Variants in HPS3 observed in about 807,000 individuals in gnomAD.
HPS3 encodes BLOC-2 complex member HPS3.
Under a neutral mutation model 110.9 loss-of-function variants are expected in HPS3, and 79 were observed. That is an observed-to-expected ratio of 0.71 (90% CI 0.59 to 0.86). The LOEUF is 0.86. Ranked by LOEUF, HPS3 falls within the 40% of genes least tolerant of loss-of-function variation. The probability of loss-of-function intolerance (pLI) is 0.00; values close to 1 mark genes in which losing one functional copy is unlikely to be tolerated. For missense variants in HPS3, 1,197 were observed against 1,206.2 expected (o/e 0.99, Z 0.11); for synonymous variants, 428 against 451.0 (o/e 0.95, Z 0.65).
intron 4 of HPS3, among the ~76,000 whole-genome samples, chr3:149,142,176 A>G (rs1291004513): frequency 6.6e-6 from 1 of 152,192 alleles, no homozygotes; most frequent in Non-Finnish European, 1.5e-5. Context: ...ACCTATGAGT[A>G]CTAGAAAGGG....
intron 1 of HPS3, among the ~76,000 whole-genome samples, chr3:149,135,255 C>T (rs540759767): frequency 3.3e-5 from 5 of 152,220 alleles, no homozygotes; most frequent in Admixed American, 1.3e-4. Flanking sequence ...CCTCTGACAT[C>T]GTCATCAGTA....
chr3:149,162,230 C>T lies in HPS3; in HGVS notation c.2189C>T (p.Ala730Val), dbSNP rs780859070. 4 of 1,614,026 alleles carry T rather than the reference C, an allele frequency of 2.5e-6. No homozygotes were observed. The highest frequency in any genetic ancestry group is 3.4e-6 in the Non-Finnish European group (4 of 1,179,938). Residue 730 changes from alanine to valine, a missense_variant, in exon 12 of 17, where the codon GCA (alanine) becomes GTA (valine). Ala to Val is a moderately conservative substitution (Grantham distance 64). Transcript: ENST00000296051. ...GGACAGATTGTTCCAACCGAGCTTG[C>T]ACTTCACTTGAAGGAAACTCAGCCT... ...RKGQIVPTEL[A>V]LHLKETQPGL...
intron 8 of HPS3, 59 bp downstream of exon 8, chr3:149,155,274 A>G: frequency 1.0e-6 from 1 of 993,736 alleles, no homozygotes; most frequent in Non-Finnish European, 1.6e-6. Context: ...ATTAATGATC[A>G]GAAATTGATT....
chr3:149,142,873 C>T (rs554696157), intron 4 of HPS3, among the ~76,000 whole-genome samples: 22 of 152,216 alleles, frequency 1.4e-4, no homozygotes, highest in African/African-American at 5.3e-4. Flanking sequence ...AAGACCCTGA[C>T]CTCATCTTGA....
chr3:149,133,380 A>G (rs892659212), intron 1 of HPS3, among the ~76,000 whole-genome samples: 1 of 151,738 alleles, frequency 6.6e-6, no homozygotes, highest in Non-Finnish European at 1.5e-5. Context: ...GCTCACCACA[A>G]CCTCCACCTC....
chr3:149,167,782 C>T (rs1724573286), intron 15 of HPS3, 111 bp from the exon 16 acceptor site: 2 of 740,204 alleles, frequency 2.7e-6, no homozygotes, highest in Admixed American at 3.9e-5. Flanking sequence ...CTGCCTTAGA[C>T]AAAATGATGT....
In HPS3 at chr3:149,167,802, C is replaced by T. The variant is rs1458650935; in HGVS notation, c.2797-91C>T. The T allele has an allele frequency of 3.6e-5, 29 of 815,120 alleles. No individual in the cohort carries two copies. In the East Asian group the frequency reaches 4.3e-4, roughly 12 times the overall value. The allele number at this position is 815,120 out of a possible 1,614,324, so 50.5% of individuals were successfully genotyped here. ...TTAGACAAAATGATGTATTTTTGCT[C>T]TGTGCTTTCCTGCACAATCTTCTTA... On this transcript the variant is annotated intron_variant, in intron 15 of 16. Transcript: ENST00000296051.
At chr3:149,133,656 C>A (rs912071465) in intron 1 of HPS3, among the ~76,000 whole-genome samples, 1 of 152,186 alleles carries the variant, frequency 6.6e-6, no homozygotes, top group Non-Finnish European at 1.5e-5. Context: ...GTGACCACCA[C>A]CCTGATCAGT....
intron 16 of HPS3, among the ~76,000 whole-genome samples, chr3:149,168,641 C>T (rs1301281057): frequency 2.0e-5 from 3 of 152,114 alleles, no homozygotes; most frequent in Middle Eastern, 3.4e-3. Context: ...AATGTAAGGC[C>T]GAGTCAGTGG....
At chr3:149,150,508 C>G in intron 5 of HPS3, 91 bp from the exon 6 acceptor site, 1 of 901,164 alleles carries the variant, frequency 1.1e-6, no homozygotes, top group South Asian at 1.3e-5. Flanking sequence ...CACCCCTGCC[C>G]ATTGCCCTGT....
intron 14 of HPS3, among the ~76,000 whole-genome samples, chr3:149,166,630 T>A (rs1431744828): frequency 1.3e-5 from 2 of 152,208 alleles, no homozygotes; most frequent in African/African-American, 4.8e-5. Context: ...ACTCATCCTT[T>A]GTTGTTAAAC....
Position 149,172,318 on chromosome 3 carries a change from T to TATCACACACACA in HPS3, c.*96_*97insATCACACACACA, listed in dbSNP as rs374839757. 2 of 570,776 alleles carry TATCACACACACA rather than the reference T, an allele frequency of 3.5e-6. No individual in the cohort carries two copies. The highest frequency in any genetic ancestry group is 6.3e-6 in the Non-Finnish European group (2 of 315,884). The allele number at this position is 570,776 out of a possible 1,614,324, so 35.4% of individuals were successfully genotyped here. On this transcript the variant is annotated 3_prime_UTR_variant, in exon 17 of 17. Transcript: ENST00000296051. ...GTAGAGGAGTTTTTTATTTTATATA[T>TATCACACACACA]CACACACACACACACACACACACAC...
At chr3:149,133,423 C>G (rs1721890488) in intron 1 of HPS3, among the ~76,000 whole-genome samples, 1 of 152,078 alleles carries the variant, frequency 6.6e-6, no homozygotes, top group Admixed American at 6.6e-5. Context: ...CTCAGCCTCC[C>G]AAGTAGCTGG....
chr3:149,133,593 C>T (rs1411681625), intron 1 of HPS3, among the ~76,000 whole-genome samples: 1 of 152,166 alleles, frequency 6.6e-6, no homozygotes, highest in Non-Finnish European at 1.5e-5. Context: ...GCCACTGTGC[C>T]CGGCCCATTG....
At chr3:149,137,977 G>A (rs1722215160) in intron 1 of HPS3, among the ~76,000 whole-genome samples, 1 of 152,028 alleles carries the variant, frequency 6.6e-6, no homozygotes, top group South Asian at 2.1e-4. Flanking sequence ...TATGTTGTGT[G>A]TATCGTACTA....
chr3:149,168,106 GGA>G, intron 16 of HPS3, 123 bp downstream of exon 16: 1 of 680,454 alleles, frequency 1.5e-6, no homozygotes, highest in South Asian at 1.7e-5. Context: ...AACCATCTGG[GGA>G]GCTTATTTTC....
chr3:149,151,075 A>G (rs1161212375), intron 6 of HPS3, among the ~76,000 whole-genome samples: 2 of 152,162 alleles, frequency 1.3e-5, no homozygotes, highest in East Asian at 3.9e-4. Flanking sequence ...TGGCAAAGTC[A>G]TAGATCACTG....
chr3:149,152,518 TCCTTTCC>T (rs1723195054), intron 6 of HPS3, among the ~76,000 whole-genome samples: 2 of 152,170 alleles, frequency 1.3e-5, no homozygotes, highest in South Asian at 4.1e-4. Context: ...TCACGGTTCC[TCCTTTCC>T]TGGGACTCCA....
chr3:149,139,962 T>G (rs1309240582), intron 1 of HPS3, 42 bp from the exon 2 acceptor site: 1 of 1,577,906 alleles, frequency 6.3e-7, no homozygotes, highest in Non-Finnish European at 8.7e-7. Context: ...GTGGTTGTAT[T>G]TCTAATTACA....
Sources: gnomAD v4.1 joint callset for allele counts (sites outside exome capture counted in the v4.1 genomes callset) on GRCh38, gnomAD v4.1.1 for gene constraint, MANE v1.5 for transcripts, NCBI Gene and HGNC (gene_info 2026-07-23, HGNC 2026-07-21) for gene names.